NRG1: variants seen among roughly 807,000 people sequenced by gnomAD.
NRG1 encodes pro-neuregulin-1, membrane-bound isoform.
Under a neutral mutation model 63.8 loss-of-function variants are expected in NRG1, and 18 were observed. The ratio of observed to expected loss-of-function variants is 0.28; its 90% CI spans 0.19 to 0.42. NRG1 has a LOEUF of 0.42. Among genes scored for constraint, NRG1 ranks in the 10% least tolerant of loss-of-function variants. The pLI, the probability that NRG1 is intolerant of heterozygous loss-of-function variation, is 1.00. For missense variants in NRG1, 762 were observed against 814.7 expected (o/e 0.94, Z 0.79); for synonymous variants, 302 against 301.3 (o/e 1.00, Z -0.02).
chr8:32,046,482 A>G (rs1316618578), intron 1 of NRG1, among the ~76,000 whole-genome samples: 1 of 152,136 alleles, frequency 6.6e-6, no homozygotes, highest in Non-Finnish European at 1.5e-5. Context: ...TATGTTCACA[A>G]AAAACCATAT....
chr8:31,773,234 C>G (rs185506008), intron 1 of NRG1, among the ~76,000 whole-genome samples: 4 of 152,196 alleles, frequency 2.6e-5, no homozygotes, highest in African/African-American at 9.6e-5. Context: ...TGGCTCAGTG[C>G]TCACTGTCAT....
chr8:32,023,166 T>A (rs2130262416), intron 1 of NRG1, among the ~76,000 whole-genome samples: 1 of 152,316 alleles, frequency 6.6e-6, no homozygotes, highest in African/African-American at 2.4e-5. Flanking sequence ...ATTTAACTGA[T>A]TTTAGTTATG....
rs777625625 is a variant in NRG1 at position 31,820,002 on chromosome 8, A to ATT, written c.37+180573_37+180574dup. On this transcript the variant is annotated intron_variant, in intron 1 of 10. Coordinates refer to the NRG1 transcript ENST00000519301. ...CTCCACAATATGTCCAATAAACCGT[A>ATT]TTTGCAAGATATCGGGAGAAAAGCG... Among the ~76,000 whole-genome samples, 80 of 152,280 alleles carry ATT rather than the reference A, an allele frequency of 5.3e-4. 1 individual carries two copies. The highest frequency in any genetic ancestry group is 1.2e-3 in the South Asian group (6 of 4,824).
At chr8:31,882,142 G>A (rs1830393920) in intron 1 of NRG1, among the ~76,000 whole-genome samples, 1 of 151,912 alleles carries the variant, frequency 6.6e-6, no homozygotes, top group Non-Finnish European at 1.5e-5. Flanking sequence ...AATGCAGCAG[G>A]TGACCTTAAG....
chr8:31,912,566 C>CT (rs3052846), intron 1 of NRG1, among the ~76,000 whole-genome samples: 2,006 of 105,556 alleles, frequency 0.019, 36 homozygotes, highest in Non-Finnish European at 0.021. Flanking sequence ...TTTAGAAATG[C>CT]TTTTTTTTTT....
At chr8:32,109,893 C>T (rs1831775818) in intron 1 of NRG1, among the ~76,000 whole-genome samples, 1 of 152,122 alleles carries the variant, frequency 6.6e-6, no homozygotes, top group Non-Finnish European at 1.5e-5. Flanking sequence ...CTAGAAAGCT[C>T]TGGGCTCCTT....
rs1238256236 is a variant in NRG1, at chr8:32,316,821, TA to T, written c.38-279003del. Among the ~76,000 whole-genome samples, 183 of 149,606 alleles carry T rather than the reference TA, an allele frequency of 1.2e-3. 2 individuals are homozygous for T. Among genetic ancestry groups the T allele is most frequent in the African/African-American group, 4.5e-3 (175 of 39,184 alleles). The stretch of plus-strand genomic sequence containing the variant: ...TCCAAAAAAATAAAATAAAATAAAA[TA>T]AAATAAAACACATTAGGAAATTTAA... On this transcript the variant is annotated intron_variant, in intron 1 of 10. Transcript: ENST00000519301.
intron 1 of NRG1, among the ~76,000 whole-genome samples, chr8:31,969,617 C>T (rs1806943069): frequency 6.6e-6 from 1 of 152,180 alleles, no homozygotes; most frequent in Admixed American, 6.5e-5. Flanking sequence ...TACAAGGCTG[C>T]ATGTGTGTCT....
chr8:32,003,272 C>T (rs948304176), intron 1 of NRG1, among the ~76,000 whole-genome samples: 23 of 152,010 alleles, frequency 1.5e-4, no homozygotes, highest in South Asian at 4.1e-4. Flanking sequence ...TGCAGTGATG[C>T]GGGAAATCAG....
intron 1 of NRG1, among the ~76,000 whole-genome samples, chr8:31,787,615 A>G (rs1471256704): frequency 1.3e-5 from 2 of 152,218 alleles, no homozygotes; most frequent in Admixed American, 1.3e-4. Context: ...TGGACCAACA[A>G]CAGTGTTTAT....
chr8:32,652,165 A>ATG (rs1224426604), intron 5 of NRG1, among the ~76,000 whole-genome samples: 60 of 152,304 alleles, frequency 3.9e-4, no homozygotes, highest in African/African-American at 1.3e-3. Flanking sequence ...CTAGAGACGA[A>ATG]TGTAGCATCA....
intron 1 of NRG1, among the ~76,000 whole-genome samples, chr8:31,668,376 AC>A (rs1257600718): frequency 1.3e-5 from 2 of 152,166 alleles, no homozygotes; most frequent in Non-Finnish European, 2.9e-5. Flanking sequence ...CCTAAAGCAA[AC>A]TGGCCTTTAT....
chr8:32,640,047 A>C (rs1363897574), intron 5 of NRG1, among the ~76,000 whole-genome samples: 2 of 152,182 alleles, frequency 1.3e-5, no homozygotes, highest in African/African-American at 4.8e-5. Flanking sequence ...ACAACAGAAA[A>C]TTTCTCTGAG....
intron 1 of NRG1, among the ~76,000 whole-genome samples, chr8:31,868,141 A>C: frequency 8.2e-6 from 1 of 122,168 alleles, no homozygotes; most frequent in South Asian, 2.8e-4. Flanking sequence ...ACACACACAT[A>C]CATCTTACAC....
chr8:31,640,720 A>C lies in NRG1; in HGVS notation c.37+1289A>C. On this transcript the variant is annotated intron_variant, in intron 1 of 10. Transcript: ENST00000519301. The surrounding 1 kb of genome is among the most constrained non-coding windows in gnomAD (Gnocchi z 6.3). ...GAAGGAGGTCAGCCGGGTGCTGTGC[A>C]AGCGGTGCGGTAAGTTCCTCGCCCT... 1 of 1,589,332 alleles carries C rather than the reference A, an allele frequency of 6.3e-7. No homozygotes were observed. The highest frequency in any genetic ancestry group is 8.6e-7 in the Non-Finnish European group (1 of 1,167,984).
chr8:32,723,966 T>A (rs562006027), intron 5 of NRG1, among the ~76,000 whole-genome samples: 3 of 152,290 alleles, frequency 2.0e-5, no homozygotes, highest in African/African-American at 4.8e-5. Context: ...TGTCCTGACC[T>A]TTTTTGCCAA....
chr8:32,343,994 A>G (rs932006792), intron 1 of NRG1, among the ~76,000 whole-genome samples: 1 of 152,224 alleles, frequency 6.6e-6, no homozygotes, highest in African/African-American at 2.4e-5. Flanking sequence ...TAACTGCCTG[A>G]TGACTCTCAA....
chr8:32,392,256 G>C (rs901440380), intron 1 of NRG1, among the ~76,000 whole-genome samples: 1 of 152,180 alleles, frequency 6.6e-6, no homozygotes. Context: ...AGCAGCTTGA[G>C]ACAGGAATTG....
intron 2 of NRG1, among the ~76,000 whole-genome samples, chr8:32,600,584 T>G (rs1209241236): frequency 6.6e-6 from 1 of 152,166 alleles, no homozygotes; most frequent in Non-Finnish European, 1.5e-5. Flanking sequence ...AAAAGGAAAT[T>G]AATATTCAGA....
Sources: gnomAD v4.1 joint callset for allele counts (sites outside exome capture counted in the v4.1 genomes callset) on GRCh38, gnomAD v4.1.1 for gene constraint, Gnocchi (gnomAD v3.1) non-coding constraint, MANE v1.5 for transcripts, NCBI Gene and HGNC (gene_info 2026-07-23, HGNC 2026-07-21) for gene names.